HACD1: variants seen among roughly 807,000 people sequenced by gnomAD.
The protein encoded by HACD1 is 3-hydroxyacyl-CoA dehydratase 1, also known as very-long-chain (3R)-3-hydroxyacyl-CoA dehydratase 1.
A neutral mutation model predicts 32.0 loss-of-function variants in HACD1; 41 were observed. The ratio of observed to expected loss-of-function variants is 1.28; its 90% confidence interval spans 1.00 to 1.66. The LOEUF is 1.66. HACD1 is among the 40% of genes most tolerant of loss of function. HACD1 has a pLI of 0.00. For missense variants in HACD1, 396 were observed against 380.1 expected (o/e 1.04, Z -0.35); for synonymous variants, 142 against 139.0 (o/e 1.02, Z -0.15).
chr10:17,616,890 C>A (rs1833094015), intron 1 of HACD1, among the ~76,000 whole-genome samples, 193 bp downstream of exon 1: 3 of 152,190 alleles, frequency 2.0e-5, no homozygotes, highest in East Asian at 1.9e-4. Flanking sequence ...TTAGGCAATG[C>A]CAGGCGCGCA....
chr10:17,611,382 A>T (rs1261993142), intron 1 of HACD1, among the ~76,000 whole-genome samples: 1 of 152,160 alleles, frequency 6.6e-6, no homozygotes, highest in Admixed American at 6.5e-5. Context: ...ACTTATGCCT[A>T]CTTAAGTCCT....
intron 5 of HACD1, among the ~76,000 whole-genome samples, chr10:17,598,307 A>C (rs1834022864): frequency 6.6e-6 from 1 of 151,590 alleles, no homozygotes; most frequent in South Asian, 2.1e-4. Flanking sequence ...AACACAATTA[A>C]CAGTGGTTAT....
rs200761717 is a variant in HACD1, at chr10:17,603,896, C to G, written c.375+34G>C. 5 of 1,528,126 alleles carry G rather than the reference C, an allele frequency of 3.3e-6. No homozygotes were observed. The African/African-American group carries it at 4.1e-5, about 13-fold the overall frequency. The allele number at this position is 1,528,126 out of a possible 1,614,324, so 94.7% of individuals were successfully genotyped here. A position where few individuals can be genotyped will look rare whatever the true frequency, so the allele number is the denominator to read the frequency against. ...ACAAAAAATGTTCACATAAATATTA[C>G]AGCAATAGAAAAACAGCATGATGGA... On this transcript the variant is annotated intron_variant, in intron 2 of 6. Coordinates refer to ENST00000361271, the MANE Select transcript of HACD1 (RefSeq NM_014241.4).
intron 4 of HACD1, 43 bp downstream of exon 4, chr10:17,603,517 C>G: frequency 6.7e-7 from 1 of 1,493,332 alleles, no homozygotes; most frequent in Non-Finnish European, 9.3e-7. Flanking sequence ...GAATGGAAAG[C>G]TTTCCTGCAG....
chr10:17,615,843 TG>T (rs1554817975), intron 1 of HACD1: 1 of 433,094 alleles, frequency 2.3e-6, no homozygotes, highest in Non-Finnish European at 4.6e-6. Context: ...GGCCCACGCT[TG>T]TAGTCCCAGC....
intron 6 of HACD1, among the ~76,000 whole-genome samples, chr10:17,591,337 A>G (rs1321996113): frequency 6.6e-6 from 1 of 152,156 alleles, no homozygotes; most frequent in Non-Finnish European, 1.5e-5. Flanking sequence ...GCCCAGATGC[A>G]TGCTCATTGC....
chr10:17,613,309 G>A (rs1215505223), intron 1 of HACD1, among the ~76,000 whole-genome samples: 2 of 151,948 alleles, frequency 1.3e-5, no homozygotes, highest in East Asian at 1.9e-4. Flanking sequence ...TAATAAACAC[G>A]CCAAAGTTCT....
In HACD1 at chr10:17,599,469, G is replaced by C; in HGVS notation, c.484-58C>G. On this transcript the variant is annotated intron_variant, in intron 4 of 6. Coordinates refer to ENST00000361271, the MANE Select transcript of HACD1 (RefSeq NM_014241.4). The stretch of plus-strand genomic sequence containing the variant: ...AACCTAGAACTTACTTTTCAGTGAA[G>C]GTACTTACTTTACTTATTTATTGCC... 2.6e-6 allele frequency: 4 copies of C among 1,552,536 alleles called. No individual in the cohort carries two copies. The South Asian group carries it at 4.8e-5, about 19-fold the overall frequency.
At chr10:17,599,664 G>A (rs1290783579) in intron 4 of HACD1, among the ~76,000 whole-genome samples, 2 of 152,112 alleles carry the variant, frequency 1.3e-5, no homozygotes, top group Non-Finnish European at 2.9e-5. Context: ...AGGAAATAAC[G>A]CTATCATCAG....
intron 1 of HACD1, among the ~76,000 whole-genome samples, chr10:17,614,060 C>T (rs1204160929): frequency 6.6e-6 from 1 of 152,134 alleles, no homozygotes; most frequent in Non-Finnish European, 1.5e-5. Flanking sequence ...CATTGATGTT[C>T]ATTTTTGAAA....
intron 1 of HACD1, among the ~76,000 whole-genome samples, chr10:17,604,268 G>A (rs953964126): frequency 2.0e-5 from 3 of 152,034 alleles, no homozygotes; most frequent in Non-Finnish European, 4.4e-5. Context: ...GGCGGATCAC[G>A]AGGTCAGGAG....
At chr10:17,605,648 T>TA (rs556118206) in intron 1 of HACD1, among the ~76,000 whole-genome samples, 2,387 of 139,374 alleles carry the variant, frequency 0.017, 36 homozygotes, top group East Asian at 0.06. Context: ...AAAGGTTGTT[T>TA]AAAAAAAAAA....
chr10:17,603,549 G>A lies in HACD1; in HGVS notation c.483+11C>T, dbSNP rs372142472. The A allele has an allele frequency of 1.5e-4, 243 of 1,586,806 alleles. No homozygotes were observed. Among genetic ancestry groups the A allele is most frequent in the Non-Finnish European group, 2.1e-4 (241 of 1,156,660 alleles). On this transcript the variant is annotated intron_variant, in intron 4 of 6. Transcript: ENST00000361271. ...GCAGGCTCAAGTAGACAACATGTTT[G>A]TGTCACTTACTGGTTTTATACTGTG...
At chr10:17,602,745 T>C (rs1280183719) in intron 4 of HACD1, among the ~76,000 whole-genome samples, 1 of 152,188 alleles carries the variant, frequency 6.6e-6, no homozygotes, top group African/African-American at 2.4e-5. Flanking sequence ...CGTTGCATAA[T>C]AGATCTCTTG....
At chr10:17,592,939 T>C (rs782452608) in intron 6 of HACD1, among the ~76,000 whole-genome samples, 1 of 152,208 alleles carries the variant, frequency 6.6e-6, no homozygotes, top group African/African-American at 2.4e-5. Flanking sequence ...CAGGGGCTCA[T>C]GCCTGTAATC....
rs532244821 is a variant in HACD1 at position 17,589,262 on chromosome 10, C to T, written c.*1102G>A. On this transcript the variant is annotated 3_prime_UTR_variant, in exon 7 of 7. Transcript: ENST00000361271. ...AGTACAGCATGATCATCTTCCTCAT[C>T]ATCGTTATCATCATCATCATCATCA... 21 of 152,454 alleles carry T rather than the reference C, an allele frequency of 1.4e-4. No homozygotes were observed. The highest frequency in any genetic ancestry group is 5.1e-4 in the African/African-American group (21 of 41,526). 9.4% of individuals were successfully genotyped at this position (152,454 alleles called of 1,614,324 possible). A position where few individuals can be genotyped will look rare whatever the true frequency, so the allele number is the denominator to read the frequency against.
At position 17,603,618 on chromosome 10, in the gene HACD1, C is replaced by T; in HGVS notation, c.425G>A (p.Gly142Glu). The T allele has an allele frequency of 6.2e-7, 1 of 1,613,466 alleles. No homozygotes were observed. Among genetic ancestry groups the T allele is most frequent in the East Asian group, 2.2e-5 (1 of 44,824 alleles). ...AAAGATTCTTGAACTCACTTGGACCCCAGTCACAATCACAGAAGTAGGTAC... is the reference window on the plus strand; with the variant it reads ...AAAGATTCTTGAACTCACTTGGACCTCAGTCACAATCACAGAAGTAGGTAC... ...GIVPTSVIVT[G>E]VQVSSRIFMV... The change falls in exon 4 of 7, where the codon GGG (glycine) becomes GAG (glutamate). Residue 142 changes from glycine to glutamate, a missense_variant. By Grantham distance (98) the Gly-to-Glu change is moderately conservative. Transcript: ENST00000361271.
rs544526254 is a variant in HACD1 at position 17,590,259 on chromosome 10, C to T, written c.*105G>A. 7.9e-6 allele frequency: 6 copies of T among 758,026 alleles called. No individual in the cohort carries two copies. The African/African-American group carries it at 1.1e-4, about 14-fold the overall frequency. The allele number at this position is 758,026 out of a possible 1,614,324, so 47.0% of individuals were successfully genotyped here. A position where few individuals can be genotyped will look rare whatever the true frequency, so the allele number is the denominator to read the frequency against. On this transcript the variant is annotated 3_prime_UTR_variant, in exon 7 of 7. Transcript: ENST00000361271. The stretch of plus-strand genomic sequence containing the variant: ...TGTCTCAAGTTATATTTTAAGAAAC[C>T]ATACAATCCATGATATTTCACAAAG...
intron 6 of HACD1, among the ~76,000 whole-genome samples, chr10:17,591,077 G>A (rs1430032971): frequency 1.3e-5 from 2 of 152,268 alleles, no homozygotes; most frequent in East Asian, 3.9e-4. Flanking sequence ...TCTTTGGAAT[G>A]CTGCGCCAGA....
Sources: allele counts gnomAD v4.1 joint callset (sites outside exome capture counted in the v4.1 genomes callset), GRCh38; gene constraint gnomAD v4.1.1; transcripts MANE v1.5; gene names NCBI Gene and HGNC (gene_info 2026-07-23, HGNC 2026-07-21).